TSGA10: variants seen among roughly 807,000 people sequenced by gnomAD.
The protein encoded by TSGA10 is testis specific 10.
A neutral mutation model predicts 96.6 loss-of-function variants in TSGA10; 43 were observed. The ratio of observed to expected loss-of-function variants is 0.44; its 90% confidence interval spans 0.35 to 0.57. The LOEUF is 0.57. Ranked by LOEUF, TSGA10 falls within the 20% of genes least tolerant of loss-of-function variation. The pLI is 0.01. For synonymous variants in TSGA10, 229 were observed against 269.9 expected (o/e 0.85, Z 1.48); for missense variants, 703 against 834.4 (o/e 0.84, Z 1.94).
chr2:99,114,021 G>T lies in TSGA10; in HGVS notation c.-139-3106C>A, dbSNP rs576382029. Among the ~76,000 whole-genome samples, 7 of 152,282 alleles carry T rather than the reference G, an allele frequency of 4.6e-5. No individual in the cohort carries two copies. In the South Asian group the frequency reaches 1.0e-3, roughly 23 times the overall value. ...TAGTTAATATTGAAAATATTTTAATGAAGTAAATCATGGAAGAAGTTACTG... is the reference window on the plus strand; with the variant it reads ...TAGTTAATATTGAAAATATTTTAATTAAGTAAATCATGGAAGAAGTTACTG... On this transcript the variant is annotated intron_variant, in intron 4 of 20. Transcript: ENST00000393483.
intron 10 of TSGA10, among the ~76,000 whole-genome samples, chr2:99,086,942 T>C (rs183572255): frequency 8.8e-4 from 134 of 151,720 alleles, no homozygotes; most frequent in East Asian, 3.7e-3. Context: ...CAGTGTCTCA[T>C]GCCTGTAATC....
intron 2 of TSGA10, chr2:99,124,625 C>T (rs562813416): frequency 6.6e-6 from 1 of 152,016 alleles, no homozygotes; most frequent in Non-Finnish European, 1.5e-5. Flanking sequence ...CGGTCTGTCG[C>T]CCAGGCTGGA....
At chr2:99,058,973 T>C (rs1001321282) in intron 16 of TSGA10, among the ~76,000 whole-genome samples, 5 of 148,854 alleles carry the variant, frequency 3.4e-5, no homozygotes, top group African/African-American at 1.2e-4. Flanking sequence ...GAGATGGAGG[T>C]TGCAGCAAGC....
At chr2:99,009,021 T>C (rs1170162371) in intron 20 of TSGA10, among the ~76,000 whole-genome samples, 2 of 152,138 alleles carry the variant, frequency 1.3e-5, no homozygotes, top group African/African-American at 4.8e-5. Context: ...GCTGATGGGA[T>C]GGAAGGCATA....
chr2:99,092,575 A>G (rs2104697256), intron 10 of TSGA10, among the ~76,000 whole-genome samples: 1 of 152,314 alleles, frequency 6.6e-6, no homozygotes, highest in Non-Finnish European at 1.5e-5. Context: ...GCTCAATTAG[A>G]AATGAAATGG....
intron 20 of TSGA10, among the ~76,000 whole-genome samples, chr2:99,005,302 C>A (rs578032508): frequency 6.6e-6 from 1 of 152,190 alleles, no homozygotes; most frequent in Non-Finnish European, 1.5e-5. Context: ...GGCAATTAGG[C>A]AGGAGAAAGA....
chr2:99,049,232 A>G (rs1195756866), intron 16 of TSGA10, among the ~76,000 whole-genome samples: 1 of 152,224 alleles, frequency 6.6e-6, no homozygotes, highest in African/African-American at 2.4e-5. Context: ...ATTAATGGGT[A>G]TATACCAAAA....
At chr2:99,081,429 G>T in intron 10 of TSGA10, 32 bp from the exon 11 acceptor site, 1 of 1,357,574 alleles carries the variant, frequency 7.4e-7, no homozygotes. Flanking sequence ...AACTAATTCT[G>T]AAATTTTTGT....
intron 20 of TSGA10, among the ~76,000 whole-genome samples, chr2:99,014,973 A>G (rs1573476789): frequency 1.3e-5 from 2 of 152,198 alleles, no homozygotes; most frequent in Non-Finnish European, 2.9e-5. Flanking sequence ...ACCAGTAAGA[A>G]GTAGAGAGAT....
intron 10 of TSGA10, among the ~76,000 whole-genome samples, chr2:99,101,653 T>C (rs2090751294): frequency 6.6e-6 from 1 of 151,794 alleles, no homozygotes; most frequent in African/African-American, 2.4e-5. Context: ...TAACAAAGAA[T>C]TATAAAAACA....
rs1431990217 is a variant in TSGA10, at chr2:99,089,295, G to C, written c.612-7898C>G. On this transcript the variant is annotated intron_variant, in intron 10 of 20. Transcript: ENST00000393483. ...AGCCATCTCTGACATTGTCTCACAGGGGTCCTTGGGGAGGGCTGCCAGAGG... is the reference window on the plus strand; with the variant it reads ...AGCCATCTCTGACATTGTCTCACAGCGGTCCTTGGGGAGGGCTGCCAGAGG... Among the ~76,000 whole-genome samples the C allele has an allele frequency of 2.0e-5, 3 of 152,176 alleles. No individual in the cohort carries two copies. In the East Asian group the frequency reaches 5.8e-4, roughly 29 times the overall value.
intron 2 of TSGA10, chr2:99,125,500 C>T (rs574785362): frequency 6.6e-6 from 1 of 152,246 alleles, no homozygotes; most frequent in East Asian, 1.9e-4. Flanking sequence ...GCTTTAAAGT[C>T]CTTGCCAGAT....
At position 99,109,424 on chromosome 2, in the gene TSGA10, A is replaced by T; in HGVS notation, c.16T>A (p.Ser6Thr). 1 of 1,614,012 alleles carries T rather than the reference A, an allele frequency of 6.2e-7. No homozygotes were observed. The highest frequency in any genetic ancestry group is 1.1e-5 in the South Asian group (1 of 91,072). Residue 6 changes from serine (S) to threonine (T), a missense_variant, in exon 6 of 21, where the codon TCT (serine) becomes ACT (threonine). Ser to Thr is a moderately conservative substitution (Grantham distance 58). Coordinates refer to ENST00000393483, the MANE Select transcript of TSGA10 (RefSeq NM_025244.4). ...GGTGATGGGCGTCTTGGACTTTTAG[A>T]CCTACTTCGCATCATCTTTCTCAAA... MMRSR[S>T]KSPRRPSPTA... is the part of the protein sequence containing the mutation.
chr2:99,065,238 C>A, intron 15 of TSGA10, 114 bp from the exon 16 acceptor site: 1 of 1,146,396 alleles, frequency 8.7e-7, no homozygotes, highest in Non-Finnish European at 1.2e-6. Flanking sequence ...TATAATAGAA[C>A]CCTGAGGAAA....
intron 10 of TSGA10, among the ~76,000 whole-genome samples, chr2:99,088,723 C>A (rs1342398276): frequency 6.6e-6 from 1 of 152,128 alleles, no homozygotes; most frequent in East Asian, 1.9e-4. Context: ...CCATAAAAGG[C>A]ATATGCAAAA....
At chr2:99,032,655 C>T (rs913547721) in intron 17 of TSGA10, among the ~76,000 whole-genome samples, 1 of 152,194 alleles carries the variant, frequency 6.6e-6, no homozygotes, top group African/African-American at 2.4e-5. Flanking sequence ...AGTGGCTAAA[C>T]ACATTGCTAA....
chr2:99,137,028 G>A (rs937722428), intron 1 of TSGA10, among the ~76,000 whole-genome samples: 19 of 133,962 alleles, frequency 1.4e-4, no homozygotes, highest in Admixed American at 4.1e-4. Flanking sequence ...TGAGACAGTC[G>A]TGCTCTGTCA....
chr2:99,081,353 C>A lies in TSGA10; in HGVS notation c.656G>T (p.Arg219Leu), dbSNP rs374505296. 8.2e-6 allele frequency: 13 copies of A among 1,593,862 alleles called. No homozygotes were observed. The highest frequency in any genetic ancestry group is 6.9e-5 in the Admixed American group (4 of 58,162). ...CTCATATTTTTTCTTAGCAAGGTGT[C>A]GCTGAGTATCAGAAAGATCTTTTTC... ...NTEKDLSDTQ[R>L]HLAKKKYELQ... The change falls in exon 11 of 21, where the codon CGA becomes CTA. Residue 219 changes from arginine (R) to leucine (L), a missense_variant. Arg to Leu is a moderately radical substitution (Grantham distance 102). Coordinates refer to ENST00000393483, the MANE Select transcript of TSGA10 (RefSeq NM_025244.4).
At chr2:99,124,745 C>G (rs868362006) in intron 2 of TSGA10, 1 of 151,994 alleles carries the variant, frequency 6.6e-6, no homozygotes, top group Admixed American at 6.6e-5. Context: ...CCACCATGCC[C>G]GGCTAATTTT....
Sources: allele counts gnomAD v4.1 joint callset (sites outside exome capture counted in the v4.1 genomes callset), GRCh38; gene constraint gnomAD v4.1.1; transcripts MANE v1.5; gene names NCBI Gene and HGNC (gene_info 2026-07-23, HGNC 2026-07-21).